Variants in SPATS2 observed in about 807,000 individuals in gnomAD.
The protein encoded by SPATS2 is spermatogenesis associated serine rich 2, also known as spermatogenesis-associated serine-rich protein 2.
Under a neutral mutation model 63.7 loss-of-function variants are expected in SPATS2, and 38 were observed. That is an observed-to-expected ratio of 0.60 (90% CI 0.46 to 0.78). SPATS2 has a LOEUF of 0.78. Ranked by LOEUF, SPATS2 falls within the 30% of genes least tolerant of loss-of-function variation. The pLI, the probability that SPATS2 is intolerant of heterozygous loss-of-function variation, is 0.00. For missense variants in SPATS2, 588 were observed against 666.2 expected (o/e 0.88, Z 1.29); for synonymous variants, 207 against 232.9 (o/e 0.89, Z 1.01).
intron 2 of SPATS2, among the ~76,000 whole-genome samples, chr12:49,402,249 G>A (rs185262881): frequency 1.8e-4 from 28 of 152,332 alleles, no homozygotes; most frequent in African/African-American, 6.5e-4. Flanking sequence ...CAGGTATGAT[G>A]AAATGAGAGT....
intron 3 of SPATS2, among the ~76,000 whole-genome samples, chr12:49,474,501 A>G (rs1190197317): frequency 6.6e-6 from 1 of 152,226 alleles, no homozygotes; most frequent in African/African-American, 2.4e-5. Context: ...GAGGGAAAGC[A>G]TTCACTCTTT....
At position 49,459,379 on chromosome 12, in the gene SPATS2, A is replaced by G. The variant is rs1945777542; in HGVS notation, c.-243-1391A>G. 2.6e-5 allele frequency among the ~76,000 whole-genome samples: 4 copies of G among 151,426 alleles called. No individual in the cohort carries two copies. The South Asian group carries it at 8.4e-4, about 32-fold the overall frequency. On this transcript the variant is annotated intron_variant, in intron 2 of 13. Transcript: ENST00000552918. ...TATTTATTTTTTGAGATGGGGTTTC[A>G]CTCTTGTTGCCCAGGCTGGAGTGCA...
intron 2 of SPATS2, among the ~76,000 whole-genome samples, chr12:49,440,932 C>T (rs1261105767): frequency 6.6e-6 from 1 of 152,102 alleles, no homozygotes; most frequent in Non-Finnish European, 1.5e-5. Flanking sequence ...GTTCATTTGC[C>T]TTATTAATAG....
intron 1 of SPATS2, among the ~76,000 whole-genome samples, chr12:49,370,041 A>C (rs955172366): frequency 1.3e-5 from 2 of 152,228 alleles, no homozygotes; most frequent in African/African-American, 2.4e-5. Flanking sequence ...AAACATGAGC[A>C]TAGCCCCTGG....
At chr12:49,401,894 C>T (rs1162971634) in intron 2 of SPATS2, among the ~76,000 whole-genome samples, 1 of 152,090 alleles carries the variant, frequency 6.6e-6, no homozygotes, top group Non-Finnish European at 1.5e-5. Context: ...GACAGGGTTT[C>T]GCCATGTTGG....
chr12:49,393,245 C>T (rs1459745262), intron 2 of SPATS2, among the ~76,000 whole-genome samples: 1 of 151,954 alleles, frequency 6.6e-6, no homozygotes, highest in African/African-American at 2.4e-5. Context: ...TCTTAGTTTC[C>T]TCTGTTCTTC....
chr12:49,392,911 G>A (rs1369050484), intron 2 of SPATS2, among the ~76,000 whole-genome samples: 1 of 152,052 alleles, frequency 6.6e-6, no homozygotes, highest in Non-Finnish European at 1.5e-5. Context: ...AATTAGCCAG[G>A]CGTGGTGGCA....
At chr12:49,514,147 T>C (rs1946799949) in intron 9 of SPATS2, among the ~76,000 whole-genome samples, 1 of 133,824 alleles carries the variant, frequency 7.5e-6, no homozygotes, top group East Asian at 2.0e-4. Flanking sequence ...ACAGCGAGAC[T>C]CCGTCTCAAA....
At chr12:49,397,833 TAAAA>T (rs989085737) in intron 2 of SPATS2, among the ~76,000 whole-genome samples, 2 of 82,316 alleles carry the variant, frequency 2.4e-5, no homozygotes, top group African/African-American at 4.9e-5. Flanking sequence ...CTTAGCTCTT[TAAAA>T]AAAAAAAAAA....
intron 2 of SPATS2, among the ~76,000 whole-genome samples, chr12:49,404,877 T>C (rs957475672): frequency 2.6e-5 from 4 of 152,114 alleles, no homozygotes; most frequent in African/African-American, 9.7e-5. Context: ...TACTTTTAAG[T>C]GGTTGAAAGA....
At chr12:49,495,599 A>G (rs1946452264) in intron 7 of SPATS2, among the ~76,000 whole-genome samples, 1 of 152,212 alleles carries the variant, frequency 6.6e-6, no homozygotes, top group African/African-American at 2.4e-5. Flanking sequence ...TGGAACGCTG[A>G]GCATGTGGGA....
At chr12:49,495,114 C>T (rs1946443947) in intron 7 of SPATS2, 112 bp downstream of exon 7, 1 of 1,124,694 alleles carries the variant, frequency 8.9e-7, no homozygotes, top group Non-Finnish European at 1.2e-6. Flanking sequence ...CCAGTGCTTG[C>T]TGATTAGTCT....
chr12:49,423,844 A>G (rs146880080), intron 2 of SPATS2, among the ~76,000 whole-genome samples: 2 of 152,150 alleles, frequency 1.3e-5, no homozygotes, highest in African/African-American at 4.8e-5. Context: ...TTTAAATATT[A>G]TGTTACGGAG....
At chr12:49,520,996 G>C (rs539829900) in intron 11 of SPATS2, among the ~76,000 whole-genome samples, 4 of 152,168 alleles carry the variant, frequency 2.6e-5, no homozygotes, top group Non-Finnish European at 5.9e-5. Flanking sequence ...TGGGATTACA[G>C]GCATGAGCCA....
chr12:49,475,640 C>T (rs1034284569), intron 3 of SPATS2, among the ~76,000 whole-genome samples: 4 of 152,126 alleles, frequency 2.6e-5, no homozygotes, highest in Non-Finnish European at 5.9e-5. Flanking sequence ...GAGGGTTTCA[C>T]CATGTTGGCT....
intron 3 of SPATS2, among the ~76,000 whole-genome samples, chr12:49,467,251 AC>A (rs1414269848): frequency 1.4e-4 from 20 of 140,306 alleles, no homozygotes; most frequent in Non-Finnish European, 2.1e-4. Flanking sequence ...TTTAGTAGAG[AC>A]GGGGTTTCAC....
At chr12:49,410,435 T>C (rs1944778322) in intron 2 of SPATS2, among the ~76,000 whole-genome samples, 1 of 152,086 alleles carries the variant, frequency 6.6e-6, no homozygotes, top group Non-Finnish European at 1.5e-5. Flanking sequence ...GAATATACCC[T>C]AGCCACTTTG....
intron 2 of SPATS2, among the ~76,000 whole-genome samples, chr12:49,376,559 G>C (rs1216191199): frequency 1.3e-5 from 2 of 151,678 alleles, no homozygotes; most frequent in Non-Finnish European, 2.9e-5. Flanking sequence ...ACCATGCCCT[G>C]CTAATTTTTA....
Position 49,526,522 on chromosome 12 carries a change from G to T in SPATS2, c.*267G>T. ...CAGGAATCAGAGGCAGCTGTTACCA[G>T]GTTTCGGCCTTCCAGTTGATCCCTC... On this transcript the variant is annotated 3_prime_UTR_variant, in exon 14 of 14. Coordinates refer to ENST00000552918, the MANE Select transcript of SPATS2 (RefSeq NM_023071.4). 1 of 448,374 alleles carries T rather than the reference G, an allele frequency of 2.2e-6. No homozygotes were observed. Among genetic ancestry groups the T allele is most frequent in the South Asian group, 2.8e-5 (1 of 35,938 alleles). The allele number at this position is 448,374 out of a possible 1,614,324, so 27.8% of individuals were successfully genotyped here.
Sources: allele counts gnomAD v4.1 joint callset (sites outside exome capture counted in the v4.1 genomes callset), GRCh38; gene constraint gnomAD v4.1.1; transcripts MANE v1.5; gene names NCBI Gene and HGNC (gene_info 2026-07-23, HGNC 2026-07-21).